Variants in RNGTT observed in about 807,000 individuals in gnomAD.
RNGTT encodes the protein RNA guanylyltransferase and 5'-phosphatase, also known as mRNA-capping enzyme.
In RNGTT, 33 loss-of-function variants were observed where a neutral mutation model predicts 79.3. The observed-to-expected ratio is 0.42, with a 90% CI of 0.32 to 0.56. RNGTT has a LOEUF of 0.56. Among genes scored for constraint, RNGTT ranks in the 20% least tolerant of loss-of-function variants. The pLI, the probability that RNGTT is intolerant of heterozygous loss-of-function variation, is 0.17. For missense variants in RNGTT, 497 were observed against 739.1 expected, an observed-to-expected ratio of 0.67 and a Z score of 3.80; for synonymous variants, 222 against 235.9, an observed-to-expected ratio of 0.94 and a Z score of 0.54.
At chr6:88,842,130 G>C (rs1480310884) in intron 11 of RNGTT, among the ~76,000 whole-genome samples, 1 of 152,084 alleles carries the variant, frequency 6.6e-6, no homozygotes, top group Admixed American at 6.6e-5. Context: ...AAGGAAGAAA[G>C]GAAAACGGGA....
In RNGTT at chr6:88,838,671, A is replaced by C. The variant is rs113950504; in HGVS notation, c.1269+5686T>G. Among the ~76,000 whole-genome samples, 542 of 152,310 alleles carry C rather than the reference A, an allele frequency of 3.6e-3. 9 individuals are homozygous for C. Among genetic ancestry groups the C allele is most frequent in the African/African-American group, 0.013 (524 of 41,576 alleles). On this transcript the variant is annotated intron_variant, in intron 11 of 15. Coordinates refer to ENST00000369485, the MANE Select transcript of RNGTT (RefSeq NM_003800.5). ...AACTAGAAAACTTGGCATTGTTATG[A>C]TGTTAGTTCTTCCCCAAAATTGACC...
At chr6:88,672,210 T>TATATATATACACACACACAC (rs1219984680) in intron 14 of RNGTT, among the ~76,000 whole-genome samples, 50 of 136,956 alleles carry the variant, frequency 3.7e-4, no homozygotes, top group African/African-American at 1.2e-3. Context: ...TACATATATA[T>TATATATATACACACACACAC]ATATATATAC....
At chr6:88,903,111 C>G (rs1427753566) in intron 6 of RNGTT, among the ~76,000 whole-genome samples, 1 of 152,160 alleles carries the variant, frequency 6.6e-6, no homozygotes, top group African/African-American at 2.4e-5. Context: ...GAACATACCA[C>G]TAGTGGCACA....
intron 13 of RNGTT, among the ~76,000 whole-genome samples, chr6:88,720,306 A>AT (rs1237306737): frequency 2.0e-5 from 3 of 152,032 alleles, no homozygotes; most frequent in African/African-American, 7.2e-5. Flanking sequence ...ACCTTCACAT[A>AT]TTTTTTCTGC....
At chr6:88,818,762 A>T in intron 11 of RNGTT, among the ~76,000 whole-genome samples, 1 of 152,250 alleles carries the variant, frequency 6.6e-6, no homozygotes, top group East Asian at 1.9e-4. Context: ...AGAGAAAAAT[A>T]AATTTGTGAT....
intron 1 of RNGTT, among the ~76,000 whole-genome samples, chr6:88,957,171 G>A (rs987810471): frequency 6.6e-6 from 1 of 152,102 alleles, no homozygotes; most frequent in Non-Finnish European, 1.5e-5. Flanking sequence ...AAAACCTTCA[G>A]CAAAACTGGC....
intron 10 of RNGTT, among the ~76,000 whole-genome samples, chr6:88,846,034 T>C (rs1781472358): frequency 1.3e-5 from 2 of 151,938 alleles, no homozygotes; most frequent in South Asian, 4.2e-4. Flanking sequence ...TGTTAAAACA[T>C]ATGTAAATGT....
At chr6:88,898,401 A>G (rs895952505) in intron 6 of RNGTT, among the ~76,000 whole-genome samples, 6 of 151,974 alleles carry the variant, frequency 3.9e-5, no homozygotes, top group African/African-American at 1.5e-4. Flanking sequence ...TAGATCCTCT[A>G]GCTTGATAAT....
chr6:88,810,228 C>T (rs1780093840), intron 11 of RNGTT, among the ~76,000 whole-genome samples: 1 of 152,180 alleles, frequency 6.6e-6, no homozygotes, highest in African/African-American at 2.4e-5. Flanking sequence ...AAAACAACTT[C>T]TCCCCTCCTA....
At chr6:88,764,882 C>T (rs922100263) in intron 13 of RNGTT, among the ~76,000 whole-genome samples, 10 of 152,028 alleles carry the variant, frequency 6.6e-5, no homozygotes, top group Admixed American at 2.6e-4. Flanking sequence ...TTATTATTTC[C>T]AATGTGATAG....
At chr6:88,867,087 T>G (rs1782198778) in intron 8 of RNGTT, among the ~76,000 whole-genome samples, 2 of 152,194 alleles carry the variant, frequency 1.3e-5, no homozygotes, top group African/African-American at 4.8e-5. Context: ...AGAATTAGCA[T>G]TTTAACAAGA....
chr6:88,955,426 T>C (rs986355815), intron 1 of RNGTT, among the ~76,000 whole-genome samples: 2 of 151,268 alleles, frequency 1.3e-5, no homozygotes, highest in Non-Finnish European at 2.9e-5. Context: ...GGCGGGCGCC[T>C]GTAATCCTAG....
intron 13 of RNGTT, among the ~76,000 whole-genome samples, chr6:88,699,452 A>C (rs1775870035): frequency 6.6e-6 from 1 of 152,146 alleles, no homozygotes; most frequent in African/African-American, 2.4e-5. Flanking sequence ...TTGGAGGCTG[A>C]ATTAAGAAGA....
chr6:88,844,310 A>C, intron 11 of RNGTT, 47 bp downstream of exon 11: 1 of 1,527,910 alleles, frequency 6.5e-7, no homozygotes, highest in Non-Finnish European at 9.0e-7. Flanking sequence ...TGTAAGCTGA[A>C]TTATGAGACA....
intron 11 of RNGTT, among the ~76,000 whole-genome samples, chr6:88,839,528 C>T (rs1437868179): frequency 6.6e-6 from 1 of 151,990 alleles, no homozygotes; most frequent in Admixed American, 6.6e-5. Context: ...CATGATCGCA[C>T]CACTGCACTC....
intron 14 of RNGTT, among the ~76,000 whole-genome samples, chr6:88,649,003 G>A (rs1034337552): frequency 2.6e-5 from 4 of 152,132 alleles, no homozygotes; most frequent in East Asian, 1.9e-4. Flanking sequence ...TGGAAACTGC[G>A]ACCTTAAGCA....
intron 11 of RNGTT, among the ~76,000 whole-genome samples, chr6:88,832,128 C>G (rs904447763): frequency 6.6e-6 from 1 of 152,156 alleles, no homozygotes; most frequent in Non-Finnish European, 1.5e-5. Flanking sequence ...GCCCATATAG[C>G]CAAGACAATC....
At chr6:88,870,227 G>A (rs1046710055) in intron 8 of RNGTT, among the ~76,000 whole-genome samples, 1 of 152,060 alleles carries the variant, frequency 6.6e-6, no homozygotes, top group Non-Finnish European at 1.5e-5. Flanking sequence ...ACATGTTACT[G>A]CCTTTTGAGA....
At chr6:88,956,055 A>AG (rs1195785726) in intron 1 of RNGTT, among the ~76,000 whole-genome samples, 4 of 151,180 alleles carry the variant, frequency 2.6e-5, no homozygotes, top group African/African-American at 9.7e-5. Flanking sequence ...AAAAAAAAAA[A>AG]AAAAAAAAAG....
Sources: gnomAD v4.1 joint callset for allele counts (sites outside exome capture counted in the v4.1 genomes callset) on GRCh38, gnomAD v4.1.1 for gene constraint, MANE v1.5 for transcripts, NCBI Gene and HGNC (gene_info 2026-07-23, HGNC 2026-07-21) for gene names.